STK3: variants seen among roughly 807,000 people sequenced by gnomAD.
STK3 encodes the protein serine/threonine-protein kinase 3.
A neutral mutation model predicts 58.0 loss-of-function variants in STK3; 41 were observed. The observed-to-expected ratio is 0.71, with a 90% confidence interval of 0.55 to 0.92. The LOEUF (loss-of-function observed/expected upper bound fraction) is 0.92. Among genes scored for constraint, STK3 ranks in the 40% least tolerant of loss-of-function variants. The pLI is 0.00. For missense variants in STK3, 479 were observed against 602.7 expected, an observed-to-expected ratio of 0.79 and a Z score of 2.15; for synonymous variants, 170 against 191.0, an observed-to-expected ratio of 0.89 and a Z score of 0.91.
At chr8:98,768,789 A>T (rs1831108046) in intron 2 of STK3, among the ~76,000 whole-genome samples, 1 of 152,242 alleles carries the variant, frequency 6.6e-6, no homozygotes, top group Admixed American at 6.5e-5. Context: ...CGTATGTGTG[A>T]ATGACGAAAG....
At chr8:98,359,533 A>AAAAGAAAG in the STK3 span, among the ~76,000 whole-genome samples, 4 of 142,338 alleles carry the variant, frequency 2.8e-5, no homozygotes, top group Admixed American at 7.1e-5. Flanking sequence ...AAAAAAAAAA[A>AAAAGAAAG]AAAGAAAGAA....
chr8:98,905,853 C>A (rs1838877359), intron 1 of STK3, among the ~76,000 whole-genome samples: 1 of 152,168 alleles, frequency 6.6e-6, no homozygotes, highest in South Asian at 2.1e-4. Flanking sequence ...AGCGCAGCCA[C>A]ATGGTAGAAG....
chr8:98,863,619 A>G (rs562280222), intron 3 of STK3, among the ~76,000 whole-genome samples: 6 of 152,338 alleles, frequency 3.9e-5, no homozygotes, highest in Non-Finnish European at 8.8e-5. Flanking sequence ...TTGCTATAAA[A>G]CAACCAGTAT....
chr8:98,633,871 G>A (rs1169966950), intron 6 of STK3: 3 of 378,144 alleles, frequency 7.9e-6, no homozygotes, highest in Non-Finnish European at 5.1e-6. Flanking sequence ...CCCCAGGCCT[G>A]AAGAAATAAA....
At chr8:98,627,587 T>C (rs928006734) in intron 6 of STK3, among the ~76,000 whole-genome samples, 2 of 151,592 alleles carry the variant, frequency 1.3e-5, no homozygotes, top group Non-Finnish European at 2.9e-5. Context: ...GACATACTCA[T>C]GCCCCCACTG....
At chr8:98,768,073 G>T (rs1167646981) in intron 2 of STK3, among the ~76,000 whole-genome samples, 1 of 152,108 alleles carries the variant, frequency 6.6e-6, no homozygotes, top group East Asian at 1.9e-4. Flanking sequence ...AAACAAAGAA[G>T]GAAGAAGCCA....
chr8:98,692,548 T>C (rs960072630), intron 6 of STK3, among the ~76,000 whole-genome samples: 6 of 152,114 alleles, frequency 3.9e-5, no homozygotes, highest in African/African-American at 1.4e-4. Context: ...AGAATACTGG[T>C]TGCGAGGGGT....
intron 10 of STK3, among the ~76,000 whole-genome samples, chr8:98,467,679 T>TTCA (rs1311185786): frequency 3.9e-5 from 6 of 152,176 alleles, no homozygotes; most frequent in African/African-American, 1.4e-4. Context: ...ACAGGATAGT[T>TTCA]TCATGCTCCA....
chr8:98,506,306 C>T (rs550122223), intron 10 of STK3, among the ~76,000 whole-genome samples: 13 of 152,334 alleles, frequency 8.5e-5, no homozygotes, highest in East Asian at 7.7e-4. Context: ...CAGTCTGTCA[C>T]GGCTTCCCTT....
chr8:98,448,777 T>C (rs1819064951), intron 1 of STK3, among the ~76,000 whole-genome samples: 1 of 152,174 alleles, frequency 6.6e-6, no homozygotes, highest in African/African-American at 2.4e-5. Flanking sequence ...TGAGGAAACA[T>C]GGGGTATGAC....
chr8:98,651,675 C>T (rs537395682), intron 6 of STK3: 1 of 152,180 alleles, frequency 6.6e-6, no homozygotes, highest in East Asian at 1.9e-4. Context: ...AGCCAAGGCT[C>T]GAGAACTACG....
intron 1 of STK3, among the ~76,000 whole-genome samples, chr8:98,781,209 T>G (rs975198474): frequency 6.6e-6 from 1 of 152,150 alleles, no homozygotes; most frequent in Non-Finnish European, 1.5e-5. Context: ...TGTCAGACTG[T>G]AGCACAGGAA....
At chr8:98,883,154 A>G (rs928682442), downstream of STK3, 1 of 152,648 alleles carries the variant, frequency 6.6e-6, no homozygotes, top group Admixed American at 6.5e-5. Flanking sequence ...CTGACATGGA[A>G]TCTCTCAAAA....
At chr8:98,422,586 A>G (rs1818185722) in intron 3 of STK3, among the ~76,000 whole-genome samples, 1 of 152,204 alleles carries the variant, frequency 6.6e-6, no homozygotes, top group African/African-American at 2.4e-5. Flanking sequence ...TCCAAGGTAA[A>G]GAATTCTGGG....
At position 98,800,245 on chromosome 8, in the gene STK3, G is replaced by A. The variant is rs565201696; in HGVS notation, c.26+25270C>T. 5.8e-4 allele frequency among the ~76,000 whole-genome samples: 88 copies of A among 152,230 alleles called. No homozygotes were observed. Among genetic ancestry groups the A allele is most frequent in the Non-Finnish European group, 1.1e-3 (73 of 68,020 alleles). Reference sequence around the variant, plus strand: ...ATGAGTTCAACTAACAACTTCTACCGAGGACCCCTGGACCGACCTGCTGGC... The same window carrying A: ...ATGAGTTCAACTAACAACTTCTACCAAGGACCCCTGGACCGACCTGCTGGC... On this transcript the variant is annotated intron_variant, in intron 1 of 10. Transcript: ENST00000419617. This position sits in a 1 kb window ranked among gnomAD's most constrained non-coding sequence, Gnocchi z 4.8.
chr8:98,895,367 C>T (rs1838406320), intron 1 of STK3, among the ~76,000 whole-genome samples: 1 of 152,112 alleles, frequency 6.6e-6, no homozygotes, highest in South Asian at 2.1e-4. Flanking sequence ...GCACCCATCC[C>T]CCTTATTTCT....
At chr8:98,794,719 A>C (rs968060506) in intron 1 of STK3, among the ~76,000 whole-genome samples, 7 of 152,064 alleles carry the variant, frequency 4.6e-5, no homozygotes, top group African/African-American at 1.7e-4. Context: ...AAAAAAGAAA[A>C]CTACAAACCA....
chr8:98,690,689 AAAAACTATTCC>A (rs1376814100), intron 6 of STK3, among the ~76,000 whole-genome samples: 26 of 152,338 alleles, frequency 1.7e-4, no homozygotes, highest in African/African-American at 5.5e-4. Flanking sequence ...AGAATTAGAA[AAAAACTATTCC>A]AAAATTTATA....
intron 6 of STK3, among the ~76,000 whole-genome samples, chr8:98,647,365 T>A (rs972430403): frequency 8.5e-5 from 13 of 152,204 alleles, no homozygotes; most frequent in African/African-American, 3.1e-4. Context: ...TATGGCTTTC[T>A]CATATTCTAT....
Sources: gnomAD v4.1 joint callset for allele counts (sites outside exome capture counted in the v4.1 genomes callset) on GRCh38, gnomAD v4.1.1 for gene constraint, Gnocchi (gnomAD v3.1) non-coding constraint, MANE v1.5 for transcripts, NCBI Gene and HGNC (gene_info 2026-07-23, HGNC 2026-07-21) for gene names.